The following KIAA0232 variants were observed in gnomAD, a reference collection of about 807,000 sequenced individuals.
KIAA0232 encodes KIAA0232, also known as uncharacterized protein KIAA0232.
A neutral mutation model predicts 122.0 loss-of-function variants in KIAA0232; 27 were observed. The observed-to-expected ratio is 0.22, with a 90% confidence interval of 0.16 to 0.31. The LOEUF (loss-of-function observed/expected upper bound fraction) is 0.31. Ranked by LOEUF, KIAA0232 falls within the 10% of genes least tolerant of loss-of-function variation. KIAA0232 has a pLI of 1.00. For missense variants in KIAA0232, 1,551 were observed against 1,634.2 expected (o/e 0.95, Z 0.88); for synonymous variants, 613 against 587.6 (o/e 1.04, Z -0.63).
Position 6,858,440 on chromosome 4 carries a change from A to G in KIAA0232, c.452A>G (p.Lys151Arg). 1 of 1,601,800 alleles carries G rather than the reference A, an allele frequency of 6.2e-7. No homozygotes were observed. The highest frequency in any genetic ancestry group is 8.5e-7 in the Non-Finnish European group (1 of 1,174,910). The change falls in exon 6 of 10, where the codon AAA (lysine) becomes AGA (arginine). Residue 151 changes from lysine to arginine, a missense_variant. Coordinates refer to ENST00000307659, the MANE Select transcript of KIAA0232 (RefSeq NM_014743.3). ...TTCATAACAGAAGAGAAGATTCACA[A>G]AAAGTTAGAGGGGTCTCCCTCTCCA... The part of the protein sequence containing the change: ...LQSKQEEKIH[K>R]KLEGSPSPEA...
At chr4:6,803,033 A>C (rs1245513300) in intron 1 of KIAA0232, among the ~76,000 whole-genome samples, 1 of 139,680 alleles carries the variant, frequency 7.2e-6, no homozygotes, top group Non-Finnish European at 1.5e-5. Context: ...AAAAAAAAAA[A>C]GCCAGGTTTG....
Position 6,851,901 on chromosome 4 carries a change from C to T in KIAA0232, c.370-5263C>T, listed in dbSNP as rs16839367. Among the ~76,000 whole-genome samples the T allele has an allele frequency of 3.5e-3, 529 of 152,172 alleles. 2 individuals are homozygous for T. Among genetic ancestry groups the T allele is most frequent in the African/African-American group, 0.012 (508 of 41,510 alleles). On this transcript the variant is annotated intron_variant, in intron 4 of 9. Transcript: ENST00000307659. ...CAGCTTCACACAGCACAGCAGGTCTCGTAAGTCCAGATCATGTTCCCTTTA... is the reference window on the plus strand; with the variant it reads ...CAGCTTCACACAGCACAGCAGGTCTTGTAAGTCCAGATCATGTTCCCTTTA...
chr4:6,809,790 G>C (rs1035161660), intron 2 of KIAA0232, among the ~76,000 whole-genome samples: 1 of 151,858 alleles, frequency 6.6e-6, no homozygotes, highest in Admixed American at 6.6e-5. Flanking sequence ...TACCAATAAC[G>C]ATCTAGCTGA....
rs201678295 is a variant in KIAA0232, at chr4:6,862,022, T to A, written c.1640T>A (p.Phe547Tyr). 3.5e-5 allele frequency: 56 copies of A among 1,614,012 alleles called. No homozygotes were observed. Among genetic ancestry groups the A allele is most frequent in the Middle Eastern group, 1.6e-4 (1 of 6,084 alleles). ...IRQKSKENTD[F>Y]EAECCIVLDG... ...CAGAAAAGCAAAGAGAACACAGATT[T>A]TGAGGCAGAATGTTGCATAGTGTTA... is the stretch of plus-strand genomic sequence containing the variant. Residue 547 changes from phenylalanine (F) to tyrosine (Y), a missense_variant, in exon 7 of 10, where the codon TTT becomes TAT. By Grantham distance (22) the Phe-to-Tyr change is conservative (BLOSUM62 3). Around this residue, in one of 5 missense-constraint regions of KIAA0232, gnomAD observed 1,108 missense variants for 1,154.8 expected, o/e 0.96. Transcript: ENST00000307659.
intron 4 of KIAA0232, among the ~76,000 whole-genome samples, chr4:6,846,372 C>T (rs1331336004): frequency 6.6e-6 from 1 of 152,176 alleles, no homozygotes; most frequent in Non-Finnish European, 1.5e-5. Context: ...GGCTGCACAG[C>T]AGGAGGTGAA....
At chr4:6,876,936 C>G (rs543331621) in intron 9 of KIAA0232, among the ~76,000 whole-genome samples, 179 bp downstream of exon 9, 22 of 152,294 alleles carry the variant, frequency 1.4e-4, no homozygotes, top group African/African-American at 5.3e-4. Context: ...CATTCTCCCC[C>G]GCTTCCAAAC....
At chr4:6,864,892 C>CAAAACTTGTGTTTTACATATAAAACA (rs1483613923) in intron 7 of KIAA0232, among the ~76,000 whole-genome samples, 27 of 152,230 alleles carry the variant, frequency 1.8e-4, no homozygotes, top group African/African-American at 6.5e-4. Context: ...ATCACTTTAT[C>CAAAACTTGTGTTTTACATATAAAACA]AAAACTTGTG....
rs923159452 is a variant in KIAA0232 at position 6,883,462 on chromosome 4, A to G, written c.*2496A>G. 6.6e-6 allele frequency: 1 copy of G among 152,202 alleles called. No individual in the cohort carries two copies. Among genetic ancestry groups the G allele is most frequent in the Non-Finnish European group, 1.5e-5 (1 of 68,034 alleles). The allele number at this position is 152,202 out of a possible 1,614,324, so 9.4% of individuals were successfully genotyped here. On this transcript the variant is annotated 3_prime_UTR_variant, in exon 10 of 10. Coordinates refer to ENST00000307659, the MANE Select transcript of KIAA0232 (RefSeq NM_014743.3). ...AGCATCCGTGGAAGAGCAAGTGCCC[A>G]GGTTACATTTGTTCTAGATGGAGGT...
At chr4:6,847,856 C>A (rs1720050153) in intron 4 of KIAA0232, among the ~76,000 whole-genome samples, 1 of 54,350 alleles carries the variant, frequency 1.8e-5, no homozygotes, top group Non-Finnish European at 6.7e-5. Context: ...CTCTTCATTT[C>A]CCCCTTAAAA....
chr4:6,819,270 ATAGAG>A (rs1382108833), intron 2 of KIAA0232, among the ~76,000 whole-genome samples: 5 of 152,292 alleles, frequency 3.3e-5, no homozygotes, highest in East Asian at 1.9e-4. Context: ...GAAATTATCA[ATAGAG>A]TAAACGGTGT....
intron 4 of KIAA0232, among the ~76,000 whole-genome samples, chr4:6,850,894 T>G (rs893964847): frequency 3.9e-5 from 6 of 152,190 alleles, no homozygotes; most frequent in Non-Finnish European, 8.8e-5. Context: ...GGTCTCGATC[T>G]CTTGACCTCG....
intron 1 of KIAA0232, among the ~76,000 whole-genome samples, chr4:6,783,281 G>A (rs937352262): frequency 2.0e-5 from 3 of 152,244 alleles, no homozygotes; most frequent in Admixed American, 1.3e-4. Flanking sequence ...CCGACCCCAG[G>A]ACGCCGGGAC....
chr4:6,784,435 C>T lies in KIAA0232; in HGVS notation c.-354+1594C>T, dbSNP rs551088480. On this transcript the variant is annotated intron_variant, in intron 1 of 9. Coordinates refer to ENST00000307659, the MANE Select transcript of KIAA0232 (RefSeq NM_014743.3). ...CTTAGAATTTAAAGGCGGGTGAGGG[C>T]GGGGGGGGAGGAGGAGCGGATTCTA... Among the ~76,000 whole-genome samples the T allele has an allele frequency of 3.7e-3, 496 of 133,276 alleles. 5 individuals carry two copies. Among genetic ancestry groups the T allele is most frequent in the African/African-American group, 0.013 (477 of 36,264 alleles). 87.4% of individuals were successfully genotyped at this position (133,276 alleles called of 152,430 possible). A position where few individuals can be genotyped will look rare whatever the true frequency, so the allele number is the denominator to read the frequency against.
chr4:6,802,038 G>A (rs996480232), intron 1 of KIAA0232, among the ~76,000 whole-genome samples: 9 of 152,314 alleles, frequency 5.9e-5, no homozygotes, highest in African/African-American at 1.9e-4. Flanking sequence ...TCCTTCATGA[G>A]TGTCACAAGT....
intron 3 of KIAA0232, among the ~76,000 whole-genome samples, chr4:6,830,948 A>G (rs1319049064): frequency 6.6e-6 from 1 of 152,184 alleles, no homozygotes; most frequent in Non-Finnish European, 1.5e-5. Context: ...GAAATATGGA[A>G]TGAGTAAGTA....
chr4:6,816,583 G>T (rs1718139596), intron 2 of KIAA0232, among the ~76,000 whole-genome samples: 1 of 152,090 alleles, frequency 6.6e-6, no homozygotes, highest in Non-Finnish European at 1.5e-5. Context: ...CGCTCAGCCT[G>T]TTTCTTGTAA....
Position 6,855,864 on chromosome 4 carries a change from A to G in KIAA0232, c.370-1300A>G. 1.0e-6 allele frequency: 1 copy of G among 985,394 alleles called. No individual in the cohort carries two copies. The highest frequency in any genetic ancestry group is 1.2e-6 in the Non-Finnish European group (1 of 829,890). The allele number at this position is 985,394 out of a possible 1,614,324, so 61.0% of individuals were successfully genotyped here. ...TTTCACGATCCGAAGGAAATGGAAT[A>G]TAATTGCCGTCCTTGTCACACCTTG... On this transcript the variant is annotated intron_variant, in intron 4 of 9. Transcript: ENST00000307659. This position sits in a 1 kb window ranked among gnomAD's most constrained non-coding sequence, Gnocchi z 4.3.
At chr4:6,840,004 C>G (rs1489721013) in intron 3 of KIAA0232, among the ~76,000 whole-genome samples, 3 of 152,120 alleles carry the variant, frequency 2.0e-5, no homozygotes, top group South Asian at 2.1e-4. Context: ...CTGACTGTAT[C>G]TCATTCACAA....
intron 1 of KIAA0232, among the ~76,000 whole-genome samples, chr4:6,797,608 A>G (rs1040142161): frequency 6.6e-6 from 1 of 151,112 alleles, no homozygotes; most frequent in African/African-American, 2.4e-5. Flanking sequence ...CATCTCTTAA[A>G]AAAAAAACCT....
Sources: allele counts gnomAD v4.1 joint callset (sites outside exome capture counted in the v4.1 genomes callset), GRCh38; gene constraint gnomAD v4.1.1; regional missense constraint gnomAD v4.1.1; non-coding constraint Gnocchi (gnomAD v3.1); transcripts MANE v1.5; gene names NCBI Gene and HGNC (gene_info 2026-07-23, HGNC 2026-07-21).